CMSS1: variants seen among roughly 807,000 people sequenced by gnomAD.
CMSS1 encodes the protein protein CMSS1.
A neutral mutation model predicts 43.5 loss-of-function variants in CMSS1; 33 were observed. The observed-to-expected ratio is 0.76, with a 90% confidence interval of 0.57 to 1.01. CMSS1 has a LOEUF of 1.01. Among genes scored for constraint, CMSS1 ranks in the 50% least tolerant of loss-of-function variants. CMSS1 has a pLI of 0.00. For synonymous variants in CMSS1, 115 were observed against 117.2 expected, an observed-to-expected ratio of 0.98 and a Z score of 0.12; for missense variants, 313 against 326.4, an observed-to-expected ratio of 0.96 and a Z score of 0.32.
intron 1 of CMSS1, chr3:99,924,257 A>G (rs1344265380): frequency 3.7e-6 from 6 of 1,613,834 alleles, no homozygotes; most frequent in South Asian, 1.1e-5. Context: ...TAGTAGGCAT[A>G]TGAATTCATC....
At chr3:100,178,058 G>A (rs2107535828) in intron 9 of CMSS1, among the ~76,000 whole-genome samples, 1 of 152,310 alleles carries the variant, frequency 6.6e-6, no homozygotes, top group South Asian at 2.1e-4. Flanking sequence ...AGCAGAGATA[G>A]CAGTTAGCCG....
intron 1 of CMSS1, among the ~76,000 whole-genome samples, chr3:99,960,937 T>C (rs1250299445): frequency 1.3e-5 from 2 of 152,210 alleles, no homozygotes; most frequent in African/African-American, 4.8e-5. Context: ...GAGTCTATTT[T>C]TAAAAGTAAC....
intron 1 of CMSS1, among the ~76,000 whole-genome samples, chr3:99,929,157 G>T (rs1176720640): frequency 6.6e-6 from 1 of 152,162 alleles, no homozygotes; most frequent in Admixed American, 6.5e-5. Context: ...GAAAATTAAA[G>T]AATAAAATAA....
At chr3:100,139,797 CAA>C (rs34956600) in intron 1 of CMSS1, among the ~76,000 whole-genome samples, 64 of 117,920 alleles carry the variant, frequency 5.4e-4, no homozygotes, top group East Asian at 7.6e-4. Context: ...AACTCCATCT[CAA>C]AAAAAAAAAA....
At chr3:100,128,289 C>T (rs2066678689) in intron 1 of CMSS1, among the ~76,000 whole-genome samples, 1 of 152,142 alleles carries the variant, frequency 6.6e-6, no homozygotes, top group South Asian at 2.1e-4. Flanking sequence ...AATCCTCACC[C>T]CAGCAGAATG....
chr3:99,894,945 T>C (rs1245565982), intron 1 of CMSS1, among the ~76,000 whole-genome samples: 1 of 152,216 alleles, frequency 6.6e-6, no homozygotes, highest in East Asian at 1.9e-4. Flanking sequence ...ACACGAAACA[T>C]GATATTTAAT....
Position 99,897,369 on chromosome 3 carries a change from C to CA in CMSS1, c.64+79339dup, listed in dbSNP as rs200872436. Among the ~76,000 whole-genome samples, 938 of 134,052 alleles carry CA rather than the reference C, an allele frequency of 7.0e-3. 4 individuals carry two copies. The highest frequency in any genetic ancestry group is 8.4e-3 in the South Asian group (36 of 4,276). The allele number at this position is 134,052 out of a possible 152,430, so 87.9% of individuals were successfully genotyped here. ...GGGGGACAAGAGCTAGACTTTGTCT[C>CA]AAAAAAAAAAAAAGTTGGCTTACTT... is the stretch of plus-strand genomic sequence containing the variant. On this transcript the variant is annotated intron_variant, in intron 1 of 9. Coordinates refer to ENST00000421999, the MANE Select transcript of CMSS1 (RefSeq NM_032359.4).
intron 1 of CMSS1, among the ~76,000 whole-genome samples, chr3:99,920,403 C>G (rs1196977907): frequency 6.6e-6 from 1 of 152,136 alleles, no homozygotes; most frequent in Non-Finnish European, 1.5e-5. Flanking sequence ...TACTGTGAAG[C>G]CACACAGAAA....
intron 2 of CMSS1, among the ~76,000 whole-genome samples, chr3:100,156,606 C>CTTTTTGTTTG (rs2066976767): frequency 6.9e-6 from 1 of 144,990 alleles, no homozygotes; most frequent in Non-Finnish European, 1.5e-5. Context: ...CACGCGCAGC[C>CTTTTTGTTTG]TTTTTGTTTG....
chr3:99,982,377 T>C (rs1265346521), intron 1 of CMSS1, among the ~76,000 whole-genome samples: 1 of 152,148 alleles, frequency 6.6e-6, no homozygotes, highest in Non-Finnish European at 1.5e-5. Context: ...TCTCACTCTT[T>C]CAACCAGGCT....
At chr3:100,063,213 C>T (rs2065604165) in intron 1 of CMSS1, among the ~76,000 whole-genome samples, 1 of 152,158 alleles carries the variant, frequency 6.6e-6, no homozygotes, top group Non-Finnish European at 1.5e-5. Context: ...TAGAACTTCA[C>T]CTCTGGCTCA....
rs78916089 is a variant in CMSS1 at position 99,864,980 on chromosome 3, G to A, written c.64+46937G>A. Among the ~76,000 whole-genome samples the A allele has an allele frequency of 6.2e-3, 938 of 152,148 alleles. 6 individuals carry two copies. Among genetic ancestry groups the A allele is most frequent in the African/African-American group, 0.018 (745 of 41,482 alleles). ...TATTTTGTTTAATACTATATTTCTGGTAGGGAACAGTACCTGGTACTTAAT... is the reference window on the plus strand; with the variant it reads ...TATTTTGTTTAATACTATATTTCTGATAGGGAACAGTACCTGGTACTTAAT... On this transcript the variant is annotated intron_variant, in intron 1 of 9. Coordinates refer to ENST00000421999, the MANE Select transcript of CMSS1 (RefSeq NM_032359.4).
chr3:99,847,850 A>G (rs1943438168), intron 1 of CMSS1: 8 of 709,746 alleles, frequency 1.1e-5, no homozygotes, highest in Non-Finnish European at 1.4e-5. Flanking sequence ...AATAGAGACT[A>G]TAAGCAAAAG....
At chr3:100,012,006 A>G (rs1710170609) in intron 1 of CMSS1, among the ~76,000 whole-genome samples, 1 of 152,200 alleles carries the variant, frequency 6.6e-6, no homozygotes, top group African/African-American at 2.4e-5. Context: ...TCCCATATCA[A>G]TTATCATTTA....
chr3:100,148,729 G>C (rs995887137), intron 2 of CMSS1, among the ~76,000 whole-genome samples: 1 of 152,106 alleles, frequency 6.6e-6, no homozygotes, highest in African/African-American at 2.4e-5. Flanking sequence ...TCACTGAAGT[G>C]TTAATTATTA....
chr3:100,111,525 G>A (rs2066491037), intron 1 of CMSS1, among the ~76,000 whole-genome samples: 1 of 152,078 alleles, frequency 6.6e-6, no homozygotes. Context: ...CACCTTGTAG[G>A]TATAAATGAC....
intron 1 of CMSS1, among the ~76,000 whole-genome samples, chr3:99,824,142 C>T (rs1192147285): frequency 1.3e-5 from 2 of 151,996 alleles, no homozygotes; most frequent in African/African-American, 2.4e-5. Flanking sequence ...AGGCTGATCT[C>T]GAACTCCTGA....
At chr3:99,900,200 C>T (rs1706390986) in intron 1 of CMSS1, among the ~76,000 whole-genome samples, 1 of 151,954 alleles carries the variant, frequency 6.6e-6, no homozygotes, top group Admixed American at 6.6e-5. Flanking sequence ...TTTATGACTA[C>T]AGGATGGAAG....
intron 1 of CMSS1, among the ~76,000 whole-genome samples, chr3:100,072,224 T>A (rs1217264971): frequency 6.6e-6 from 1 of 152,242 alleles, no homozygotes; most frequent in Non-Finnish European, 1.5e-5. Flanking sequence ...CTTTCAGCTC[T>A]ATCTCCCCAA....
Sources: gnomAD v4.1 joint callset for allele counts (sites outside exome capture counted in the v4.1 genomes callset) on GRCh38, gnomAD v4.1.1 for gene constraint, MANE v1.5 for transcripts, NCBI Gene and HGNC (gene_info 2026-07-23, HGNC 2026-07-21) for gene names.